ZC3H12B: variants seen among roughly 807,000 people sequenced by gnomAD.
The protein encoded by ZC3H12B is probable ribonuclease ZC3H12B.
Under a neutral mutation model 43.9 loss-of-function variants are expected in ZC3H12B, and 7 were observed. That is an observed-to-expected ratio of 0.16 (90% CI 0.09 to 0.30). The LOEUF is 0.30. Among genes scored for constraint, ZC3H12B ranks in the 10% least tolerant of loss-of-function variants. The pLI is 1.00. For synonymous variants in ZC3H12B, 222 were observed against 241.7 expected (o/e 0.92, Z 0.76); for missense variants, 475 against 670.2 (o/e 0.71, Z 3.22).
chrX:65,184,317 T>C, the ZC3H12B span, among the ~76,000 whole-genome samples: 2 of 111,511 alleles, frequency 1.8e-5, no homozygotes, highest in East Asian at 2.8e-4. Flanking sequence ...AGCAAACTCA[T>C]GTATAGTATA....
the ZC3H12B span, among the ~76,000 whole-genome samples, chrX:65,162,027 G>A: frequency 1.5e-4 from 17 of 111,102 alleles, no homozygotes; most frequent in South Asian, 3.4e-3. Flanking sequence ...CACTTATGAA[G>A]CTTAGTTTGG....
chrX:65,453,854 G>C (rs757563229), intron 3 of ZC3H12B, among the ~76,000 whole-genome samples: 1 of 111,963 alleles, frequency 8.9e-6, no homozygotes, highest in South Asian at 3.8e-4. Flanking sequence ...TCATAAGTGG[G>C]AGCTAAGCTA....
At chrX:65,436,576 C>G (rs768311507) in intron 3 of ZC3H12B, among the ~76,000 whole-genome samples, 1 of 112,135 alleles carries the variant, frequency 8.9e-6, no homozygotes, top group Admixed American at 9.4e-5. Context: ...TGCTTTTACA[C>G]TGTCAAATTG....
chrX:65,507,244 A>G (rs1305045136), exon 5 of ZC3H12B: 1 of 111,995 alleles, frequency 8.9e-6, no homozygotes, highest in Non-Finnish European at 1.9e-5. Context: ...GGATCTGCAC[A>G]GAGAAAGTAA....
At chrX:65,420,091 C>T (rs759753625) in intron 3 of ZC3H12B, among the ~76,000 whole-genome samples, 18 of 112,126 alleles carry the variant, frequency 1.6e-4, no homozygotes, top group African/African-American at 3.2e-5. Context: ...ACTCAGTCTT[C>T]AAGCTCATTT....
chrX:65,468,746 C>T (rs1252703493), intron 3 of ZC3H12B, among the ~76,000 whole-genome samples: 4 of 106,531 alleles, frequency 3.8e-5, no homozygotes, highest in Admixed American at 2.0e-4. Flanking sequence ...TCGGCCTCCA[C>T]GCCTGGCCTA....
the ZC3H12B span, among the ~76,000 whole-genome samples, chrX:65,205,029 C>T: frequency 1.2e-4 from 13 of 111,683 alleles, no homozygotes; most frequent in African/African-American, 2.6e-4. Context: ...CCATTATCTG[C>T]CTAGCTTAAT....
chrX:65,088,348 T>G, the ZC3H12B span, among the ~76,000 whole-genome samples: 3 of 110,970 alleles, frequency 2.7e-5, no homozygotes, highest in Non-Finnish European at 5.7e-5. Flanking sequence ...AGTGGGGTTT[T>G]CTTTAGTGCT....
At chrX:65,334,553 A>G in the ZC3H12B span, among the ~76,000 whole-genome samples, 1 of 112,372 alleles carries the variant, frequency 8.9e-6, no homozygotes, top group East Asian at 2.8e-4. Context: ...TTTTCTGAAA[A>G]AAATATTTTT....
chrX:65,204,573 C>A, the ZC3H12B span, among the ~76,000 whole-genome samples: 2 of 111,700 alleles, frequency 1.8e-5, no homozygotes, highest in East Asian at 2.8e-4. Context: ...AAACTCATAT[C>A]AGCAAACTGT....
chrX:65,356,943 C>A, the ZC3H12B span: 42 of 440,959 alleles, frequency 9.5e-5, no homozygotes, highest in Non-Finnish European at 1.7e-4. Flanking sequence ...CTCCCACAGG[C>A]TGTAAAACAG....
chrX:65,157,863 C>T, the ZC3H12B span, among the ~76,000 whole-genome samples: 2 of 104,761 alleles, frequency 1.9e-5, no homozygotes, highest in African/African-American at 3.4e-5. Flanking sequence ...TGCTGGTGTG[C>T]TGCACCCATT....
the ZC3H12B span, among the ~76,000 whole-genome samples, chrX:65,173,915 G>C: frequency 9.0e-6 from 1 of 111,158 alleles, no homozygotes; most frequent in Admixed American, 9.6e-5. Context: ...ACCTTTGGAT[G>C]GGGTTCTTAT....
At chrX:65,353,934 G>A in the ZC3H12B span, among the ~76,000 whole-genome samples, 1 of 111,983 alleles carries the variant, frequency 8.9e-6, no homozygotes, top group Admixed American at 9.4e-5. Flanking sequence ...TCTGGGCAGG[G>A]CATCTCAGGA....
Position 65,406,585 on chromosome X carries a change from G to A in ZC3H12B, n.407+7881G>A, listed in dbSNP as rs182755628. Among the ~76,000 whole-genome samples the A allele has an allele frequency of 5.1e-4, 45 of 88,891 alleles. 1 individual carries two copies. Among genetic ancestry groups the A allele is most frequent in the African/African-American group, 1.5e-3 (33 of 21,794 alleles). The allele number at this position is 88,891 out of a possible 115,157, so 77.2% of individuals were successfully genotyped here. On this transcript the variant is annotated intron_variant and non_coding_transcript_variant, in intron 3 of 5. Coordinates refer to the ZC3H12B transcript ENST00000617377. ...GGCTGAACGGGGCTGGGCGGGGCTG[G>A]GCGGGGCTGGGCGGGGCTGGGCGGG... is the stretch of plus-strand genomic sequence containing the variant.
At chrX:65,301,268 T>C in the ZC3H12B span, among the ~76,000 whole-genome samples, 1 of 111,791 alleles carries the variant, frequency 8.9e-6, no homozygotes, top group African/African-American at 3.2e-5. Flanking sequence ...CTATGGAAAG[T>C]TGTATGGAGA....
At chrX:65,452,715 C>A (rs929711556) in intron 3 of ZC3H12B, among the ~76,000 whole-genome samples, 2 of 110,650 alleles carry the variant, frequency 1.8e-5, no homozygotes, top group Non-Finnish European at 3.8e-5. Context: ...GTGGTAGGTG[C>A]CTGTAATCCC....
the ZC3H12B span, among the ~76,000 whole-genome samples, chrX:65,353,616 T>G: frequency 8.9e-6 from 1 of 112,013 alleles, no homozygotes; most frequent in South Asian, 3.8e-4. Flanking sequence ...GAGACAGAAC[T>G]GTTCACTCCC....
chrX:65,263,710 T>C, the ZC3H12B span, among the ~76,000 whole-genome samples: 1 of 111,467 alleles, frequency 9.0e-6, no homozygotes, highest in Non-Finnish European at 1.9e-5. Context: ...TTTCCTGCTG[T>C]TGGGAATGTA....
Sources: allele counts gnomAD v4.1 joint callset (sites outside exome capture counted in the v4.1 genomes callset), GRCh38; gene constraint gnomAD v4.1.1; transcripts MANE v1.5; gene names NCBI Gene and HGNC (gene_info 2026-07-23, HGNC 2026-07-21).